Variants in TRHDE observed in about 807,000 individuals in gnomAD.
The protein encoded by TRHDE is thyrotropin-releasing hormone-degrading ectoenzyme.
In TRHDE, 72 loss-of-function variants were observed where a neutral mutation model predicts 125.7. The ratio of observed to expected loss-of-function variants is 0.57; its 90% CI spans 0.47 to 0.70. The LOEUF (loss-of-function observed/expected upper bound fraction) is 0.70, where lower values mean the gene tolerates loss of function less well. TRHDE is among the 30% of genes least tolerant of loss of function. The pLI, the probability that TRHDE is intolerant of heterozygous loss-of-function variation, is 0.00. For synonymous variants in TRHDE, 509 were observed against 509.1 expected (o/e 1.00, Z 0.00); for missense variants, 1,110 against 1,327.1 (o/e 0.84, Z 2.54).
chr12:72,527,586 T>TAA (rs1280881181), intron 6 of TRHDE, among the ~76,000 whole-genome samples: 2 of 135,628 alleles, frequency 1.5e-5, no homozygotes, highest in Non-Finnish European at 3.2e-5. Flanking sequence ...TAAGAGGAGT[T>TAA]AAAAAAAAAA....
At chr12:72,449,829 A>G (rs569686408) in intron 3 of TRHDE, among the ~76,000 whole-genome samples, 12 of 152,110 alleles carry the variant, frequency 7.9e-5, no homozygotes, top group African/African-American at 2.9e-4. Context: ...TTACAAAAAC[A>G]TACTTTGTTC....
chr12:72,662,884 GTTGCCAAGCTCACTCCACAGT>G (rs1319195492), intron 18 of TRHDE, among the ~76,000 whole-genome samples, 147 bp from the exon 19 acceptor site: 17 of 151,938 alleles, frequency 1.1e-4, no homozygotes, highest in African/African-American at 3.9e-4. Context: ...ATTTCATTCA[GTTGCCAAGCTCACTCCACAGT>G]ACTAAATATA....
chr12:72,496,885 A>G (rs1486895183), intron 5 of TRHDE, among the ~76,000 whole-genome samples: 1 of 152,098 alleles, frequency 6.6e-6, no homozygotes, highest in African/African-American at 2.4e-5. Flanking sequence ...TTTTATAGTG[A>G]CACAGGTCTT....
intron 1 of TRHDE, among the ~76,000 whole-genome samples, chr12:72,094,197 G>C (rs1874856156): frequency 6.6e-6 from 1 of 152,120 alleles, no homozygotes; most frequent in South Asian, 2.1e-4. Context: ...TAGAATGAAA[G>C]TCCACAGATG....
chr12:72,450,678 A>C (rs1038177152), intron 3 of TRHDE, among the ~76,000 whole-genome samples: 3 of 152,206 alleles, frequency 2.0e-5, no homozygotes, highest in Non-Finnish European at 2.9e-5. Context: ...CTGCTGGATC[A>C]TATGATAATT....
chr12:72,115,934 T>C (rs1404232739), intron 2 of TRHDE, among the ~76,000 whole-genome samples: 1 of 152,184 alleles, frequency 6.6e-6, no homozygotes, highest in Non-Finnish European at 1.5e-5. Flanking sequence ...AGTGGTTTGC[T>C]GCACCTATCA....
intron 6 of TRHDE, among the ~76,000 whole-genome samples, chr12:72,507,770 G>C (rs545617604): frequency 6.6e-6 from 1 of 152,316 alleles, no homozygotes; most frequent in Admixed American, 6.5e-5. Context: ...AAAATGCCTT[G>C]AAGGCATTTT....
chr12:72,540,304 G>A (rs952128919), intron 6 of TRHDE, among the ~76,000 whole-genome samples: 1 of 151,682 alleles, frequency 6.6e-6, no homozygotes, highest in Non-Finnish European at 1.5e-5. Context: ...ATAATCAGGA[G>A]CTAAGTGATA....
At chr12:72,581,989 C>G (rs1462410421) in intron 12 of TRHDE, among the ~76,000 whole-genome samples, 1 of 151,634 alleles carries the variant, frequency 6.6e-6, no homozygotes, top group Non-Finnish European at 1.5e-5. Context: ...GTAGTTCCAG[C>G]TACTCGGGAG....
intron 2 of TRHDE, among the ~76,000 whole-genome samples, chr12:72,151,104 G>A (rs895338936): frequency 2.0e-5 from 3 of 152,224 alleles, no homozygotes; most frequent in African/African-American, 7.2e-5. Flanking sequence ...ACTGGTGTGA[G>A]ATGGTATCTC....
intron 12 of TRHDE, among the ~76,000 whole-genome samples, chr12:72,591,311 A>AT (rs533513864): frequency 5.9e-5 from 9 of 152,174 alleles, no homozygotes; most frequent in African/African-American, 1.9e-4. Context: ...TCTTTGCATA[A>AT]TTTTTCTGCA....
At chr12:72,458,372 T>C (rs1041806225) in intron 3 of TRHDE, among the ~76,000 whole-genome samples, 2 of 152,288 alleles carry the variant, frequency 1.3e-5, no homozygotes, top group Admixed American at 1.3e-4. Context: ...CACACTTTCC[T>C]GATTTTCTTT....
chr12:72,519,907 G>A (rs1565775867), intron 6 of TRHDE, among the ~76,000 whole-genome samples: 1 of 152,206 alleles, frequency 6.6e-6, no homozygotes, highest in Non-Finnish European at 1.5e-5. Context: ...CTGGCCCTGT[G>A]AGGTGTCAGT....
chr12:72,546,091 A>G (rs1869403789), intron 7 of TRHDE, among the ~76,000 whole-genome samples: 2 of 151,636 alleles, frequency 1.3e-5, no homozygotes, highest in Admixed American at 1.3e-4. Context: ...TTAGACCTTC[A>G]AGTCCTGCAT....
chr12:72,221,300 A>G (rs1188457156), intron 2 of TRHDE, among the ~76,000 whole-genome samples: 4 of 152,144 alleles, frequency 2.6e-5, no homozygotes, highest in African/African-American at 4.8e-5. Context: ...CCTCAGGAGC[A>G]TGGAAAGAAT....
chr12:72,584,311 A>G (rs1456808333), intron 12 of TRHDE, among the ~76,000 whole-genome samples: 2 of 152,144 alleles, frequency 1.3e-5, no homozygotes, highest in African/African-American at 4.8e-5. Flanking sequence ...TATTTATCAT[A>G]TACAACATGA....
At position 72,162,723 on chromosome 12, in the gene TRHDE, A is replaced by G. The variant is rs577473754; in HGVS notation, n.279+56971A>G. On this transcript the variant is annotated intron_variant and non_coding_transcript_variant, in intron 2 of 4. Coordinates refer to the TRHDE transcript ENST00000548156. ...ATTAGCAGAAGTGGTTGCAGGCAAT[A>G]GAACATAAAAAATAGGACTTTATTG... Among the ~76,000 whole-genome samples the G allele has an allele frequency of 1.1e-4, 16 of 152,338 alleles. No homozygotes were observed. In the East Asian group the frequency reaches 2.7e-3, roughly 26 times the overall value.
intron 1 of TRHDE, among the ~76,000 whole-genome samples, chr12:72,094,920 A>G (rs544625783): frequency 2.6e-5 from 4 of 152,330 alleles, no homozygotes; most frequent in Non-Finnish European, 4.4e-5. Context: ...ACTTTTGTTC[A>G]TGGATGGCTG....
chr12:72,486,157 A>T (rs1877397595), intron 5 of TRHDE, among the ~76,000 whole-genome samples: 1 of 152,204 alleles, frequency 6.6e-6, no homozygotes, highest in African/African-American at 2.4e-5. Flanking sequence ...TCAAAACTAC[A>T]GCCACACCCC....
Sources: allele counts gnomAD v4.1 joint callset (sites outside exome capture counted in the v4.1 genomes callset), GRCh38; gene constraint gnomAD v4.1.1; transcripts MANE v1.5; gene names NCBI Gene and HGNC (gene_info 2026-07-23, HGNC 2026-07-21).